Variants in DCDC1 observed in about 807,000 individuals in gnomAD.
DCDC1 encodes the protein doublecortin domain-containing protein 1.
In DCDC1, 200 loss-of-function variants were observed where a neutral mutation model predicts 178.3. The observed-to-expected ratio is 1.12, with a 90% CI of 1.00 to 1.26. The LOEUF is 1.26. Ranked by LOEUF, DCDC1 falls within the 50% of genes most tolerant of loss-of-function variation. The probability of loss-of-function intolerance (pLI) is 0.00; values close to 1 mark genes in which losing one functional copy is unlikely to be tolerated. For missense variants in DCDC1, 1,983 were observed against 1,749.2 expected (o/e 1.13, Z -2.38); for synonymous variants, 690 against 604.8 (o/e 1.14, Z -2.07).
chr11:31,200,314 T>A (rs2136425953), intron 9 of DCDC1, among the ~76,000 whole-genome samples: 1 of 152,250 alleles, frequency 6.6e-6, no homozygotes, highest in Middle Eastern at 3.4e-3. Flanking sequence ...TTGCATTTCA[T>A]GATTCTGGAT....
intron 7 of DCDC1, 30 bp downstream of exon 7, chr11:31,290,617 T>C (rs374215197): frequency 4.2e-5 from 66 of 1,565,586 alleles, no homozygotes; most frequent in Middle Eastern, 1.7e-4. Flanking sequence ...TGAAATTAAA[T>C]TCATAGTTCA....
At chr11:31,175,920 A>G (rs1194009812) in intron 9 of DCDC1, among the ~76,000 whole-genome samples, 1 of 152,224 alleles carries the variant, frequency 6.6e-6, no homozygotes, top group Admixed American at 6.5e-5. Flanking sequence ...TTACAAAGGT[A>G]CATCATAAAA....
chr11:31,145,428 C>T (rs1218678848), intron 9 of DCDC1, among the ~76,000 whole-genome samples: 3 of 152,154 alleles, frequency 2.0e-5, no homozygotes, highest in Non-Finnish European at 4.4e-5. Flanking sequence ...CGGAAGTAGC[C>T]TTATTGGAGC....
At chr11:31,124,805 A>T (rs1367877302) in intron 11 of DCDC1, among the ~76,000 whole-genome samples, 1 of 152,182 alleles carries the variant, frequency 6.6e-6, no homozygotes, top group Non-Finnish European at 1.5e-5. Context: ...CTTAACTATA[A>T]AACCCCAAAC....
chr11:31,221,920 A>G (rs78927572), intron 9 of DCDC1, among the ~76,000 whole-genome samples: 3,137 of 152,206 alleles, frequency 0.021, 97 homozygotes, highest in African/African-American at 0.071. Flanking sequence ...CTCTCCCAAC[A>G]CTTTGCTAAG....
rs370743849 is a variant in DCDC1, at chr11:31,111,776, T to A, written c.1486-1415A>T. On this transcript the variant is annotated intron_variant, in intron 11 of 38. Transcript: ENST00000684477. ...TCTAGGTGGCATGTATTCTACAAGG[T>A]TAGTGTTGACAAAAGCTCAGTTTGG... Among the ~76,000 whole-genome samples the A allele has an allele frequency of 5.9e-5, 9 of 152,134 alleles. No individual in the cohort carries two copies. The East Asian group carries it at 1.7e-3, about 29-fold the overall frequency.
intron 7 of DCDC1, among the ~76,000 whole-genome samples, chr11:31,272,003 A>C (rs1945593689): frequency 6.6e-6 from 1 of 152,034 alleles, no homozygotes; most frequent in East Asian, 1.9e-4. Flanking sequence ...CTCTACTAAA[A>C]ATACAAAAAT....
chr11:31,134,599 T>C (rs1472589126), intron 10 of DCDC1, among the ~76,000 whole-genome samples: 1 of 152,260 alleles, frequency 6.6e-6, no homozygotes, highest in East Asian at 1.9e-4. Context: ...TTTCTTCTAA[T>C]AACATTCTAC....
intron 7 of DCDC1, among the ~76,000 whole-genome samples, chr11:31,276,001 A>T (rs1481621574): frequency 6.6e-6 from 1 of 152,222 alleles, no homozygotes; most frequent in Non-Finnish European, 1.5e-5. Flanking sequence ...CATATGAAAG[A>T]GTACAAACTC....
At chr11:31,019,568 A>AT (rs1443346332) in intron 20 of DCDC1, among the ~76,000 whole-genome samples, 3 of 152,144 alleles carry the variant, frequency 2.0e-5, no homozygotes, top group East Asian at 1.9e-4. Flanking sequence ...TTGTTTTTAT[A>AT]TTTTTTTAAA....
intron 9 of DCDC1, among the ~76,000 whole-genome samples, chr11:31,153,981 A>G (rs2136116054): frequency 6.6e-6 from 1 of 152,146 alleles, no homozygotes; most frequent in South Asian, 2.1e-4. Context: ...TGTAATCACC[A>G]GTGTTGGGGG....
At chr11:31,213,766 A>C (rs1414225922) in intron 9 of DCDC1, among the ~76,000 whole-genome samples, 1 of 151,970 alleles carries the variant, frequency 6.6e-6, no homozygotes, top group East Asian at 1.9e-4. Flanking sequence ...TACTTTTGAC[A>C]TGTAAAGAGG....
intron 9 of DCDC1, among the ~76,000 whole-genome samples, chr11:31,215,736 T>C (rs991929148): frequency 1.4e-5 from 2 of 146,982 alleles, no homozygotes; most frequent in African/African-American, 5.1e-5. Flanking sequence ...GAGGTTGCAG[T>C]GAGCCAAGAT....
intron 1 of DCDC1, among the ~76,000 whole-genome samples, chr11:31,355,268 C>T (rs1051343166): frequency 6.6e-6 from 1 of 152,244 alleles, no homozygotes; most frequent in East Asian, 1.9e-4. Flanking sequence ...GACAAGCAAT[C>T]TCTGTCATGA....
At chr11:31,300,057 C>T (rs1023161709) in intron 6 of DCDC1, among the ~76,000 whole-genome samples, 1 of 152,114 alleles carries the variant, frequency 6.6e-6, no homozygotes, top group African/African-American at 2.4e-5. Flanking sequence ...GGGATTTTAC[C>T]ATGTTGGCCA....
intron 9 of DCDC1, among the ~76,000 whole-genome samples, chr11:31,198,074 C>G (rs1251458440): frequency 6.6e-6 from 1 of 152,000 alleles, no homozygotes; most frequent in Non-Finnish European, 1.5e-5. Flanking sequence ...TCATCATCAT[C>G]ATGAAAATGA....
chr11:31,104,296 C>A (rs961109296), intron 13 of DCDC1, among the ~76,000 whole-genome samples: 8 of 152,080 alleles, frequency 5.3e-5, no homozygotes, highest in Non-Finnish European at 1.0e-4. Context: ...CACTATTGTA[C>A]ACTATGAGCC....
At chr11:31,202,885 G>A (rs1408594745) in intron 9 of DCDC1, among the ~76,000 whole-genome samples, 1 of 152,108 alleles carries the variant, frequency 6.6e-6, no homozygotes, top group Non-Finnish European at 1.5e-5. Context: ...CCACTGTTTC[G>A]ATATATGACT....
intron 8 of DCDC1, among the ~76,000 whole-genome samples, chr11:31,259,379 G>A (rs1368080129): frequency 3.3e-5 from 5 of 151,750 alleles, no homozygotes; most frequent in Non-Finnish European, 7.4e-5. Flanking sequence ...TAATAATAAC[G>A]CCAATAATGA....
Sources: gnomAD v4.1 joint callset for allele counts (sites outside exome capture counted in the v4.1 genomes callset) on GRCh38, gnomAD v4.1.1 for gene constraint, MANE v1.5 for transcripts, NCBI Gene and HGNC (gene_info 2026-07-23, HGNC 2026-07-21) for gene names.